SH3RF1: variants seen among roughly 807,000 people sequenced by gnomAD.
SH3RF1 encodes the protein E3 ubiquitin-protein ligase SH3RF1.
SH3RF1 carries 32 observed loss-of-function variants against 74.0 expected under a neutral mutation model. The ratio of observed to expected loss-of-function variants is 0.43; its 90% CI spans 0.33 to 0.58. SH3RF1 has a LOEUF of 0.58. Among genes scored for constraint, SH3RF1 ranks in the 20% least tolerant of loss-of-function variants. The probability of loss-of-function intolerance (pLI) is 0.05; values close to 1 mark genes in which losing one functional copy is unlikely to be tolerated. For synonymous variants in SH3RF1, 396 were observed against 439.6 expected (o/e 0.90, Z 1.24); for missense variants, 954 against 1,130.9 (o/e 0.84, Z 2.24).
chr4:169,236,578 G>A (rs1730827109), intron 2 of SH3RF1, among the ~76,000 whole-genome samples: 1 of 152,162 alleles, frequency 6.6e-6, no homozygotes. Flanking sequence ...CTGGAAAATG[G>A]AGATAATAGT....
chr4:169,154,879 T>C (rs2126964251), intron 4 of SH3RF1, among the ~76,000 whole-genome samples: 1 of 152,316 alleles, frequency 6.6e-6, no homozygotes, highest in Non-Finnish European at 1.5e-5. Flanking sequence ...TATTATTCTT[T>C]AAAGTAATAC....
intron 2 of SH3RF1, among the ~76,000 whole-genome samples, chr4:169,191,295 C>A (rs1734702883): frequency 1.1e-5 from 1 of 95,006 alleles, no homozygotes; most frequent in Non-Finnish European, 2.3e-5. Flanking sequence ...TTTACAATAG[C>A]TGCAAAAAAA....
intron 2 of SH3RF1, among the ~76,000 whole-genome samples, chr4:169,164,086 G>A (rs988813157): frequency 2.6e-5 from 4 of 152,152 alleles, no homozygotes; most frequent in Admixed American, 2.6e-4. Context: ...AGAAGGTGCT[G>A]CTCTTTTTAT....
At chr4:169,196,116 A>T (rs1168434242) in intron 2 of SH3RF1, among the ~76,000 whole-genome samples, 1 of 152,188 alleles carries the variant, frequency 6.6e-6, no homozygotes, top group Non-Finnish European at 1.5e-5. Flanking sequence ...CGCCCAGCGA[A>T]CACAATAATT....
At chr4:169,187,414 C>T (rs1734625537) in intron 2 of SH3RF1, among the ~76,000 whole-genome samples, 1 of 152,052 alleles carries the variant, frequency 6.6e-6, no homozygotes, top group South Asian at 2.1e-4. Context: ...TAGTCTCAAA[C>T]TCTTGGGCTC....
Position 169,116,552 on chromosome 4 carries a change from G to A in SH3RF1, c.1856C>T (p.Ala619Val). 1 of 1,609,672 alleles carries A rather than the reference G, an allele frequency of 6.2e-7. No individual in the cohort carries two copies. Among genetic ancestry groups the A allele is most frequent in the Non-Finnish European group, 8.5e-7 (1 of 1,177,480 alleles). ...CGAGTGATGGGACAGGCCCACAGAT[G>A]CAGGGCTGAGGCCGGCGGCATTCTG... ...QVQNAAGLSP[A>V]SVGLSHHSLA... Residue 619 changes from alanine (A) to valine (V), a missense_variant, in exon 10 of 12, where the codon GCA (alanine) becomes GTA (valine). Coordinates refer to ENST00000284637, the MANE Select transcript of SH3RF1 (RefSeq NM_020870.4).
At chr4:169,235,579 T>G (rs149692854) in intron 2 of SH3RF1, among the ~76,000 whole-genome samples, 1 of 152,326 alleles carries the variant, frequency 6.6e-6, no homozygotes, top group African/African-American at 2.4e-5. Context: ...ACTCAATAAC[T>G]CAATCCACAT....
chr4:169,245,808 T>G (rs190911892), intron 2 of SH3RF1, among the ~76,000 whole-genome samples: 1 of 152,324 alleles, frequency 6.6e-6, no homozygotes, highest in East Asian at 1.9e-4. Flanking sequence ...TTTTTAATGT[T>G]ACCAGAAACC....
chr4:169,100,594 C>A (rs1207812758), intron 11 of SH3RF1, among the ~76,000 whole-genome samples: 4 of 152,216 alleles, frequency 2.6e-5, no homozygotes, highest in African/African-American at 9.6e-5. Context: ...CCCACCTTGG[C>A]CTCCTTCAAG....
chr4:169,219,745 G>A (rs1474748115), intron 2 of SH3RF1, among the ~76,000 whole-genome samples: 1 of 152,110 alleles, frequency 6.6e-6, no homozygotes. Context: ...CAAACCAGGG[G>A]TTTATAAATT....
chr4:169,104,990 A>T (rs1396023762), intron 11 of SH3RF1, among the ~76,000 whole-genome samples: 3 of 151,636 alleles, frequency 2.0e-5, no homozygotes, highest in Non-Finnish European at 2.9e-5. Context: ...TTCCCAGTTT[A>T]TTTTTAAGTT....
intron 2 of SH3RF1, among the ~76,000 whole-genome samples, chr4:169,217,005 A>C (rs1431467673): frequency 7.5e-6 from 1 of 133,012 alleles, no homozygotes; most frequent in Non-Finnish European, 1.7e-5. Context: ...ACAAAAAAAA[A>C]AAAAAAAACC....
chr4:169,109,676 AAAAACCAACAGCAG>A (rs59524192), intron 10 of SH3RF1, among the ~76,000 whole-genome samples: 14,477 of 152,124 alleles, frequency 0.095, 897 homozygotes, highest in South Asian at 0.17. Flanking sequence ...TTATTTTTTC[AAAAACCAACAGCAG>A]AAATGAAAAC....
intron 4 of SH3RF1, among the ~76,000 whole-genome samples, chr4:169,153,672 C>T (rs1734007456): frequency 6.6e-6 from 1 of 152,184 alleles, no homozygotes; most frequent in Middle Eastern, 3.2e-3. Context: ...GCTCTGCTCC[C>T]TACCAGGAAG....
At position 169,110,551 on chromosome 4, in the gene SH3RF1, G is replaced by A. The variant is rs1262785881; in HGVS notation, c.2140-3346C>T. Among the ~76,000 whole-genome samples the A allele has an allele frequency of 2.0e-5, 3 of 152,056 alleles. No homozygotes were observed. The East Asian group carries it at 5.8e-4, about 29-fold the overall frequency. ...AGGCTGAGGTGGAAGGATTGCTTGA[G>A]TCCAGGAGTTCAAGGCTAGCTTGGG... On this transcript the variant is annotated intron_variant, in intron 10 of 11. Coordinates refer to ENST00000284637, the MANE Select transcript of SH3RF1 (RefSeq NM_020870.4).
chr4:169,163,184 T>G (rs1234048765), intron 2 of SH3RF1, among the ~76,000 whole-genome samples: 1 of 151,718 alleles, frequency 6.6e-6, no homozygotes, highest in African/African-American at 2.4e-5. Flanking sequence ...CTCTCATCAT[T>G]AATCATTTGC....
intron 2 of SH3RF1, among the ~76,000 whole-genome samples, chr4:169,185,094 C>T (rs1734581235): frequency 6.6e-6 from 1 of 152,106 alleles, no homozygotes. Context: ...GATTTCCTTC[C>T]CTATATATTA....
chr4:169,178,716 G>A (rs1221198142), intron 2 of SH3RF1, among the ~76,000 whole-genome samples: 2 of 152,076 alleles, frequency 1.3e-5, no homozygotes, highest in Admixed American at 6.5e-5. Flanking sequence ...AGTCCAATCA[G>A]GCCTAGACCA....
At chr4:169,206,859 G>A (rs995180312) in intron 2 of SH3RF1, among the ~76,000 whole-genome samples, 1 of 152,196 alleles carries the variant, frequency 6.6e-6, no homozygotes, top group Non-Finnish European at 1.5e-5. Context: ...AAGAGGCCAG[G>A]TTCAGTGGCT....
Sources: allele counts gnomAD v4.1 joint callset (sites outside exome capture counted in the v4.1 genomes callset), GRCh38; gene constraint gnomAD v4.1.1; transcripts MANE v1.5; gene names NCBI Gene and HGNC (gene_info 2026-07-23, HGNC 2026-07-21).